The following TUB variants were observed in gnomAD, a reference collection of about 807,000 sequenced individuals.
The protein encoded by TUB is tubby protein homolog.
Under a neutral mutation model 59.7 loss-of-function variants are expected in TUB, and 33 were observed. The observed-to-expected ratio is 0.55, with a 90% CI of 0.42 to 0.74. TUB has a LOEUF of 0.74. Ranked by LOEUF, TUB falls within the 30% of genes least tolerant of loss-of-function variation. The pLI is 0.00. For missense variants in TUB, 659 were observed against 672.0 expected, an observed-to-expected ratio of 0.98 and a Z score of 0.21; for synonymous variants, 293 against 256.4, an observed-to-expected ratio of 1.14 and a Z score of -1.36.
intron 2 of TUB, among the ~76,000 whole-genome samples, chr11:8,047,492 A>G (rs1942853102): frequency 6.6e-6 from 1 of 152,190 alleles, no homozygotes; most frequent in Admixed American, 6.5e-5. Flanking sequence ...GCACTGGATG[A>G]AGGAATGGAG....
chr11:8,030,339 T>A (rs188548726), intron 1 of TUB, among the ~76,000 whole-genome samples: 2 of 152,192 alleles, frequency 1.3e-5, no homozygotes, highest in Non-Finnish European at 2.9e-5. Context: ...CTGTTGATAC[T>A]TACTGCCTTC....
intron 3 of TUB, among the ~76,000 whole-genome samples, chr11:8,092,396 GAAA>G (rs944991662): frequency 6.7e-6 from 1 of 148,598 alleles, no homozygotes; most frequent in Non-Finnish European, 1.5e-5. Context: ...AATCCAGCAA[GAAA>G]AAAAAAAGAA....
At chr11:8,087,846 A>G (rs1414478535) in intron 1 of TUB, among the ~76,000 whole-genome samples, 1 of 152,210 alleles carries the variant, frequency 6.6e-6, no homozygotes, top group East Asian at 1.9e-4. Context: ...CCCTTTCTTC[A>G]GAAGTCTTCA....
At chr11:8,090,325 G>A in intron 3 of TUB, 94 bp downstream of exon 3, 1 of 1,490,032 alleles carries the variant, frequency 6.7e-7, no homozygotes. Context: ...TCCTGACGGG[G>A]GATGCCCAGG....
At chr11:8,051,208 T>G (rs781119790) in intron 2 of TUB, among the ~76,000 whole-genome samples, 1 of 152,256 alleles carries the variant, frequency 6.6e-6, no homozygotes, top group Non-Finnish European at 1.5e-5. Context: ...ATGTGCAGTA[T>G]GAGTTTGTTC....
intron 2 of TUB, 104 bp from the exon 3 acceptor site, chr11:8,089,965 G>A: frequency 7.0e-7 from 1 of 1,434,886 alleles, no homozygotes; most frequent in East Asian, 2.5e-5. Flanking sequence ...GGGGTGCCAA[G>A]GACATGGGGC....
rs79374501 is a variant in TUB, at chr11:8,082,061, C to T, written c.38+513C>T. Reference sequence around the variant, plus strand: ...GACATGCACCCGTATATTCTACACACAAGAATTCTTGGGCTCACAAAGACA... The same window carrying T: ...GACATGCACCCGTATATTCTACACATAAGAATTCTTGGGCTCACAAAGACA... On this transcript the variant is annotated intron_variant, in intron 1 of 11. Transcript: ENST00000299506. Among the ~76,000 whole-genome samples, 1,186 of 152,348 alleles carry T rather than the reference C, an allele frequency of 7.8e-3. 15 individuals carry two copies. The highest frequency in any genetic ancestry group is 0.027 in the African/African-American group (1,143 of 41,578).
chr11:8,039,685 A>T, exon 2 of TUB: 1 of 1,535,466 alleles, frequency 6.5e-7, no homozygotes, highest in Non-Finnish European at 8.8e-7. Context: ...AGGAAGGGAG[A>T]TCGCTCGGTG....
At chr11:8,058,472 C>T (rs143333429) in intron 2 of TUB, among the ~76,000 whole-genome samples, 59 of 152,246 alleles carry the variant, frequency 3.9e-4, no homozygotes, top group African/African-American at 1.4e-3. Context: ...AGGTGCTGCA[C>T]ATTAAGACCT....
intron 2 of TUB, among the ~76,000 whole-genome samples, chr11:8,056,617 C>G (rs986184374): frequency 6.6e-6 from 1 of 151,932 alleles, no homozygotes; most frequent in African/African-American, 2.4e-5. Flanking sequence ...TACATATGCG[C>G]ATGGGAGCCT....
intron 1 of TUB, among the ~76,000 whole-genome samples, chr11:8,025,174 G>C (rs1040907597): frequency 3.9e-5 from 6 of 152,302 alleles, no homozygotes; most frequent in African/African-American, 1.4e-4. Flanking sequence ...TCAGTGCTAA[G>C]AGGCTTATAT....
Position 8,104,052 on chromosome 11 carries a change from C to G in TUB, c.*2433C>G, listed in dbSNP as rs1045941642. The G allele has an allele frequency of 1.3e-5, 2 of 152,254 alleles. No homozygotes were observed. Among genetic ancestry groups the G allele is most frequent in the Non-Finnish European group, 2.9e-5 (2 of 68,074 alleles). The allele number at this position is 152,254 out of a possible 1,614,324, so 9.4% of individuals were successfully genotyped here. A position where few individuals can be genotyped will look rare whatever the true frequency, so the allele number is the denominator to read the frequency against. On this transcript the variant is annotated 3_prime_UTR_variant, in exon 12 of 12. Coordinates refer to ENST00000299506, the MANE Select transcript of TUB (RefSeq NM_177972.3). The stretch of plus-strand genomic sequence containing the variant: ...CAAGCATCAGTAGCTGAGTGCACTC[C>G]TGGTGATCCTGGTTTTCCTTGACCA...
At chr11:8,036,794 G>A (rs112405094), upstream of TUB, among the ~76,000 whole-genome samples, 9 of 152,288 alleles carry the variant, frequency 5.9e-5, no homozygotes, top group African/African-American at 2.2e-4. Flanking sequence ...TCCTCCAGGG[G>A]GTCATGGCAC....
chr11:8,069,385 T>C (rs1270615553), intron 2 of TUB: 1 of 98,384 alleles, frequency 1.0e-5, no homozygotes, highest in Non-Finnish European at 2.1e-5. Flanking sequence ...AATTTAGTAT[T>C]CTTTGTATTC....
At chr11:8,023,110 T>C (rs1431738509) in intron 1 of TUB, among the ~76,000 whole-genome samples, 1 of 152,192 alleles carries the variant, frequency 6.6e-6, no homozygotes, top group African/African-American at 2.4e-5. Flanking sequence ...CTGGGCCTTC[T>C]CTCCACGTGC....
intron 9 of TUB, 22 bp downstream of exon 9, chr11:8,098,897 C>G (rs1300490405): frequency 1.3e-6 from 2 of 1,539,884 alleles, no homozygotes; most frequent in African/African-American, 2.7e-5. Context: ...GTTCGGGGGT[C>G]TCTGATTTCC....
intron 2 of TUB, chr11:8,039,780 G>A (rs1284288194): frequency 5.8e-5 from 70 of 1,216,154 alleles, no homozygotes; most frequent in Admixed American, 1.3e-4. Flanking sequence ...GACGTGGGTG[G>A]CTCAGGGGCC....
At chr11:8,039,847 T>A (rs1472241708) in intron 2 of TUB, 9 of 515,386 alleles carry the variant, frequency 1.7e-5, no homozygotes, top group Non-Finnish European at 2.9e-5. Flanking sequence ...GGGGAGGGTG[T>A]GACCACTGGA....
intron 2 of TUB, among the ~76,000 whole-genome samples, chr11:8,048,446 G>T (rs576242305): frequency 6.6e-6 from 1 of 152,082 alleles, no homozygotes; most frequent in Non-Finnish European, 1.5e-5. Flanking sequence ...CTGTCACTCA[G>T]GCTGGAACAT....
Sources: allele counts gnomAD v4.1 joint callset (sites outside exome capture counted in the v4.1 genomes callset), GRCh38; gene constraint gnomAD v4.1.1; transcripts MANE v1.5; gene names NCBI Gene and HGNC (gene_info 2026-07-23, HGNC 2026-07-21).